The following MARK3 variants were observed in gnomAD, a reference collection of about 807,000 sequenced individuals.
MARK3 encodes MAP/microtubule affinity-regulating kinase 3.
A neutral mutation model predicts 90.1 loss-of-function variants in MARK3; 46 were observed. The observed-to-expected ratio is 0.51, with a 90% CI of 0.40 to 0.65. MARK3 has a LOEUF of 0.65. Ranked by LOEUF, MARK3 falls within the 30% of genes least tolerant of loss-of-function variation. MARK3 has a pLI of 0.00. For missense variants in MARK3, 818 were observed against 947.2 expected (o/e 0.86, Z 1.79); for synonymous variants, 321 against 332.6 (o/e 0.97, Z 0.38).
At chr14:103,423,562 C>T (rs1293817575) in intron 2 of MARK3, among the ~76,000 whole-genome samples, 1 of 152,196 alleles carries the variant, frequency 6.6e-6, no homozygotes, top group Non-Finnish European at 1.5e-5. Context: ...CTCCAGTCTA[C>T]ACCTTTCTGA....
At chr14:103,459,673 A>T (rs4900578) in intron 6 of MARK3, among the ~76,000 whole-genome samples, 41,713 of 147,488 alleles carry the variant, frequency 0.28, 6,921 homozygotes, top group Non-Finnish European at 0.36. Flanking sequence ...CTAATTTTTT[A>T]TTTTTTTTTT....
chr14:103,433,938 T>C (rs969081244), intron 3 of MARK3, among the ~76,000 whole-genome samples: 4 of 152,172 alleles, frequency 2.6e-5, no homozygotes, highest in Non-Finnish European at 5.9e-5. Flanking sequence ...GGTAAGAGTG[T>C]AACCAAAACC....
At chr14:103,435,584 A>G (rs1225954502) in intron 3 of MARK3, among the ~76,000 whole-genome samples, 2 of 150,312 alleles carry the variant, frequency 1.3e-5, no homozygotes, top group Non-Finnish European at 3.0e-5. Context: ...AATTTTTTGT[A>G]TTTTTAGTAG....
intron 14 of MARK3, 184 bp from the exon 15 acceptor site, chr14:103,491,593 A>T: frequency 1.7e-6 from 1 of 599,184 alleles, no homozygotes; most frequent in Non-Finnish European, 2.9e-6. Flanking sequence ...GCTTTGTCTC[A>T]TTATGTATTG....
intron 12 of MARK3, among the ~76,000 whole-genome samples, chr14:103,473,435 A>G (rs10141491): frequency 0.073 from 11,109 of 152,270 alleles, 1,406 homozygotes; most frequent in African/African-American, 0.26. Flanking sequence ...TGTATTTTCT[A>G]AACACAAATA....
chr14:103,432,186 C>T (rs1164812476), intron 3 of MARK3, among the ~76,000 whole-genome samples: 3 of 152,156 alleles, frequency 2.0e-5, no homozygotes, highest in African/African-American at 7.2e-5. Context: ...GTTGATACTG[C>T]TGACCCAGTA....
chr14:103,399,713 G>GAA (rs375827394), intron 1 of MARK3, among the ~76,000 whole-genome samples: 1 of 121,212 alleles, frequency 8.3e-6, no homozygotes, highest in African/African-American at 3.2e-5. Flanking sequence ...AAAAAAAAAA[G>GAA]AAAAAAAAAA....
At chr14:103,427,388 A>C (rs1310144011) in intron 2 of MARK3, among the ~76,000 whole-genome samples, 1 of 149,244 alleles carries the variant, frequency 6.7e-6, no homozygotes, top group Admixed American at 6.8e-5. Flanking sequence ...AATCCCAGCT[A>C]CTCCAGAGGC....
chr14:103,426,611 A>C (rs1341848980), intron 2 of MARK3, among the ~76,000 whole-genome samples: 1 of 152,108 alleles, frequency 6.6e-6, no homozygotes, highest in Non-Finnish European at 1.5e-5. Context: ...GCCTCTCTCC[A>C]CTTTTCTTCC....
At chr14:103,437,203 A>ATT (rs2141154068) in intron 3 of MARK3, among the ~76,000 whole-genome samples, 1 of 152,274 alleles carries the variant, frequency 6.6e-6, no homozygotes, top group South Asian at 2.1e-4. Context: ...TTTATTCCTT[A>ATT]TAAACTTTTA....
Position 103,500,189 on chromosome 14 carries a change from T to C in MARK3, c.1905T>C (p.Tyr635=), listed in dbSNP as rs747221125. Residue 635 remains tyrosine (Y), a synonymous_variant, in exon 17 of 18, where the codon TAT becomes TAC. Coordinates refer to ENST00000429436, the MANE Select transcript of MARK3 (RefSeq NM_001128918.3). The part of the protein sequence containing the change: ...LPTEYERNGR[Y]EGSSRNVSAE... ...CTGAATATGAGAGGAACGGGAGATA[T>C]GAGGGCTCAAGGTGAGGGAAATGAT... 3.1e-6 allele frequency: 5 copies of C among 1,611,668 alleles called. No individual in the cohort carries two copies. Among genetic ancestry groups the C allele is most frequent in the Middle Eastern group, 1.7e-4 (1 of 6,060 alleles).
intron 15 of MARK3, among the ~76,000 whole-genome samples, chr14:103,492,484 A>G (rs1262483869): frequency 6.6e-6 from 1 of 152,220 alleles, no homozygotes; most frequent in Non-Finnish European, 1.5e-5. Context: ...AAGGAGCAGT[A>G]AATTTCTTAA....
intron 4 of MARK3, among the ~76,000 whole-genome samples, chr14:103,451,066 G>A (rs1390452778): frequency 6.6e-6 from 1 of 151,148 alleles, no homozygotes; most frequent in African/African-American, 2.4e-5. Flanking sequence ...GAGTAGCTGG[G>A]ACTACAGGTG....
At chr14:103,499,771 T>G (rs1470064060) in intron 16 of MARK3, 3 of 219,168 alleles carry the variant, frequency 1.4e-5, no homozygotes, top group African/African-American at 7.0e-5. Context: ...TTATACTGTG[T>G]GGCACAATTA....
chr14:103,466,542 A>C (rs2093506344), intron 10 of MARK3, 100 bp downstream of exon 10: 7 of 766,568 alleles, frequency 9.1e-6, no homozygotes, highest in Non-Finnish European at 1.3e-5. Context: ...TGGAAAGTTA[A>C]GCACAAGTCA....
chr14:103,394,603 T>C (rs1412293607), intron 1 of MARK3, among the ~76,000 whole-genome samples: 1 of 152,226 alleles, frequency 6.6e-6, no homozygotes, highest in Non-Finnish European at 1.5e-5. Context: ...GTGTTGAAGC[T>C]CAAACAAAGC....
intron 2 of MARK3, among the ~76,000 whole-genome samples, chr14:103,427,497 C>CAAA (rs71126021): frequency 0.11 from 12,536 of 110,730 alleles, 1,175 homozygotes; most frequent in South Asian, 0.22. Context: ...GAGACTGTTT[C>CAAA]AAAAAAAAAA....
chr14:103,444,228 T>C (rs1456683769), intron 3 of MARK3, among the ~76,000 whole-genome samples: 1 of 152,052 alleles, frequency 6.6e-6, no homozygotes, highest in African/African-American at 2.4e-5. Context: ...TCTTTACTTC[T>C]CTGATACCGT....
chr14:103,488,479 C>T (rs1462659561), intron 14 of MARK3, among the ~76,000 whole-genome samples: 4 of 152,174 alleles, frequency 2.6e-5, no homozygotes, highest in Non-Finnish European at 4.4e-5. Flanking sequence ...AAATTTTTGC[C>T]TTTATAAGAC....
Sources: gnomAD v4.1 joint callset for allele counts (sites outside exome capture counted in the v4.1 genomes callset) on GRCh38, gnomAD v4.1.1 for gene constraint, MANE v1.5 for transcripts, NCBI Gene and HGNC (gene_info 2026-07-23, HGNC 2026-07-21) for gene names.